Variants in ACADVL observed in about 807,000 individuals in gnomAD.
ACADVL encodes the protein acyl-CoA dehydrogenase very long chain.
In ACADVL, 73 loss-of-function variants were observed where a neutral mutation model predicts 80.4. That is an observed-to-expected ratio of 0.91 (90% CI 0.75 to 1.10). ACADVL has a LOEUF of 1.10. Ranked by LOEUF, ACADVL falls within the 50% of genes least tolerant of loss-of-function variation. ACADVL has a pLI of 0.00. For missense variants in ACADVL, 878 were observed against 858.9 expected, an observed-to-expected ratio of 1.02 and a Z score of -0.28; for synonymous variants, 392 against 326.5, an observed-to-expected ratio of 1.20 and a Z score of -2.16.
chr17:7,217,541 G>T (rs1030899532), upstream of ACADVL: 1 of 630,728 alleles, frequency 1.6e-6, no homozygotes, highest in African/African-American at 2.2e-5. Flanking sequence ...GGGGCTAGGG[G>T]CCGTGGCGGG....
intron 2 of ACADVL, 38 bp downstream of exon 2, chr17:7,220,235 G>A: frequency 1.3e-6 from 2 of 1,520,080 alleles, no homozygotes; most frequent in Non-Finnish European, 1.8e-6. Flanking sequence ...GTGTGGGAGC[G>A]GCGGTCCGCT....
upstream of ACADVL, chr17:7,219,519 G>C: frequency 9.4e-7 from 1 of 1,069,316 alleles, no homozygotes; most frequent in South Asian, 2.8e-5. Context: ...CCTCCCTTTT[G>C]TGTTGGCCGA....
At position 7,224,127 on chromosome 17, in the gene ACADVL, G is replaced by A. The variant is rs1223218362; in HGVS notation, c.1435-19G>A. On this transcript the variant is annotated intron_variant, in intron 14 of 19. Transcript: ENST00000356839. ...GGGAGGACAGTGAGTCCTGACTGCT[G>A]GACCCTCTTCCCCCATAGGACAAAG... 3 of 1,613,928 alleles carry A rather than the reference G, an allele frequency of 1.9e-6. No individual in the cohort carries two copies. The highest frequency in any genetic ancestry group is 1.7e-6 in the Non-Finnish European group (2 of 1,179,844).
In ACADVL at chr17:7,224,792, C is replaced by G; in HGVS notation, c.1752-17C>G. 6.2e-7 allele frequency: 1 copy of G among 1,613,996 alleles called. No homozygotes were observed. The highest frequency in any genetic ancestry group is 8.5e-7 in the Non-Finnish European group (1 of 1,180,024). Reference sequence around the variant, plus strand: ...CCAGCCGGCCCAGATTTATTTTCATCTCCTGCTTCCTGCCAGGGCCTCAAG... The same window carrying G: ...CCAGCCGGCCCAGATTTATTTTCATGTCCTGCTTCCTGCCAGGGCCTCAAG... On this transcript the variant is annotated splice_polypyrimidine_tract_variant and intron_variant, in intron 18 of 19. Transcript: ENST00000356839.
intron 10 of ACADVL, 60 bp downstream of exon 10, chr17:7,222,925 C>T: frequency 1.3e-6 from 2 of 1,584,998 alleles, no homozygotes; most frequent in Non-Finnish European, 1.7e-6. Flanking sequence ...TCCCCCTTGC[C>T]ATGTGTCCCT....
chr17:7,223,956 G>A lies in ACADVL; in HGVS notation c.1333-12G>A, dbSNP rs1356466062. On this transcript the variant is annotated splice_polypyrimidine_tract_variant and intron_variant, in intron 13 of 19. Transcript: ENST00000356839. ...TCAGCACGGGCATATAATTTGTGTGGCCCTGTGCTAGGAACCTGGAGTAGA... is the reference window on the plus strand; with the variant it reads ...TCAGCACGGGCATATAATTTGTGTGACCCTGTGCTAGGAACCTGGAGTAGA... The A allele has an allele frequency of 6.2e-7, 1 of 1,613,874 alleles. No homozygotes were observed. Among genetic ancestry groups the A allele is most frequent in the Admixed American group, 1.7e-5 (1 of 60,012 alleles).
intron 1 of ACADVL, 38 bp downstream of exon 1, chr17:7,220,084 T>G: frequency 6.3e-7 from 1 of 1,595,898 alleles, no homozygotes; most frequent in African/African-American, 1.3e-5. Context: ...GCAGCGGCCC[T>G]GGGCACCGGG....
chr17:7,217,142 G>A, upstream of ACADVL: 1 of 1,298,722 alleles, frequency 7.7e-7, no homozygotes, highest in Non-Finnish European at 9.8e-7. Context: ...TACAGAGACA[G>A]TCCATGTTGG....
chr17:7,222,796 C>G lies in ACADVL; in HGVS notation c.1008C>G (p.Ile336Met). Residue 336 changes from isoleucine (I) to methionine (M), a missense_variant, in exon 10 of 20, where the codon ATC (isoleucine) becomes ATG (methionine). Physicochemically the swap from Ile to Met is conservative, Grantham distance 10. Transcript: ENST00000356839. ...VGSGFKVAMH[I>M]LNNGRFGMAA... ...GTGGCTTCAAGGTTGCCATGCACAT[C>G]CTCAACAATGGAAGGTTTGGCATGG... 1 of 1,613,964 alleles carries G rather than the reference C, an allele frequency of 6.2e-7. No individual in the cohort carries two copies. Among genetic ancestry groups the G allele is most frequent in the Non-Finnish European group, 8.5e-7 (1 of 1,180,018 alleles).
upstream of ACADVL, chr17:7,218,616 G>C (rs2071043985): frequency 6.4e-7 from 1 of 1,564,166 alleles, no homozygotes; most frequent in Non-Finnish European, 8.7e-7. Flanking sequence ...GGGGGTGCCA[G>C]GAGCCAGAGG....
At chr17:7,219,718 C>T (rs1342186621), upstream of ACADVL, 6 of 1,413,496 alleles carry the variant, frequency 4.2e-6, no homozygotes, top group African/African-American at 5.7e-5. Context: ...ATCCCATCAC[C>T]CCGTCGGAGG....
chr17:7,220,874 G>A (rs1304603476), intron 5 of ACADVL, 44 bp downstream of exon 5: 3 of 1,613,938 alleles, frequency 1.9e-6, no homozygotes, highest in Admixed American at 3.3e-5. Context: ...GGTGTTTGGA[G>A]ATGTTAAGCT....
Position 7,224,863 on chromosome 17 carries a change from C to T in ACADVL, c.1806C>T (p.Leu602=), listed in dbSNP as rs772124122. The stretch of plus-strand genomic sequence containing the variant: ...CCACGGCCCAGCATGAGAAAATGCT[C>T]TGTGACACCTGGTGTATCGAGGTGA... ...GHPTAQHEKM[L]CDTWCIEAAA... Residue 602 remains leucine, a synonymous_variant, in exon 19 of 20, where the codon CTC becomes CTT. Coordinates refer to ENST00000356839, the MANE Select transcript of ACADVL (RefSeq NM_000018.4). The T allele has an allele frequency of 6.2e-7, 1 of 1,614,004 alleles. No homozygotes were observed. Among genetic ancestry groups the T allele is most frequent in the Non-Finnish European group, 8.5e-7 (1 of 1,180,036 alleles).
chr17:7,222,349 G>A, intron 9 of ACADVL, 47 bp downstream of exon 9: 1 of 1,601,164 alleles, frequency 6.2e-7, no homozygotes, highest in Non-Finnish European at 8.5e-7. Context: ...GGGCAGGACT[G>A]GGCTCCTGGG....
chr17:7,221,077 C>T lies in ACADVL; in HGVS notation c.477+19C>T. On this transcript the variant is annotated intron_variant, in intron 6 of 19. Coordinates refer to ENST00000356839, the MANE Select transcript of ACADVL (RefSeq NM_000018.4). Reference sequence around the variant, plus strand: ...CACCCAGGTGAGGGCGCCCTATCGCCACATCCCAGTATGCCATACCCCAGC... The same window carrying T: ...CACCCAGGTGAGGGCGCCCTATCGCTACATCCCAGTATGCCATACCCCAGC... The T allele has an allele frequency of 1.2e-6, 2 of 1,612,784 alleles. No homozygotes were observed. The highest frequency in any genetic ancestry group is 1.7e-5 in the Admixed American group (1 of 60,014).
chr17:7,219,878 G>T (rs750033388), upstream of ACADVL: 2 of 1,541,252 alleles, frequency 1.3e-6, no homozygotes, highest in Non-Finnish European at 1.7e-6. Flanking sequence ...TCCGCCGCCC[G>T]GTGCACTGTG....
In ACADVL at chr17:7,220,666, A is replaced by G. The variant is rs1189647546; in HGVS notation, c.267A>G (p.Pro89=). 2 of 1,614,084 alleles carry G rather than the reference A, an allele frequency of 1.2e-6. No individual in the cohort carries two copies. Among genetic ancestry groups the G allele is most frequent in the Admixed American group, 1.7e-5 (1 of 60,010 alleles). Residue 89 remains proline (P), a synonymous_variant, in exon 4 of 20, where the codon CCA becomes CCG. Transcript: ENST00000356839. ...KGQLTTDQVF[P]YPSVLNEEQT... ...AGCTCACCACAGATCAGGTGTTCCC[A>G]TACCCGTCCGGTAAGGGAAGGGATA... is the stretch of plus-strand genomic sequence containing the variant.
Position 7,221,026 on chromosome 17 carries a change from G to A in ACADVL, c.445G>A (p.Glu149Lys). 2 of 1,613,982 alleles carry A rather than the reference G, an allele frequency of 1.2e-6. No individual in the cohort carries two copies. The highest frequency in any genetic ancestry group is 1.1e-5 in the South Asian group (1 of 91,076). Residue 149 changes from glutamate (E) to lysine (K), a missense_variant, in exon 6 of 20, where the codon GAG becomes AAG. Coordinates refer to ENST00000356839, the MANE Select transcript of ACADVL (RefSeq NM_000018.4). ...GGCCTTTGGTCTGCAAGTGCCCAGT[G>A]AGCTGGGTGGTGTGGGCCTTTGCAA... Reference protein sequence around the residue: ...LGAFGLQVPSELGGVGLCNTQ... With the variant: ...LGAFGLQVPSKLGGVGLCNTQ...
At chr17:7,221,453 GA>G (rs2071217169) in intron 6 of ACADVL, 84 bp from the exon 7 acceptor site, 2 of 927,488 alleles carry the variant, frequency 2.2e-6, no homozygotes, top group Non-Finnish European at 3.2e-6. Flanking sequence ...CCTAGGTCAG[GA>G]ACTGCCCTGT....
Sources: allele counts gnomAD v4.1 joint callset, GRCh38; gene constraint gnomAD v4.1.1; transcripts MANE v1.5; gene names NCBI Gene and HGNC (gene_info 2026-07-23, HGNC 2026-07-21).